The following PTPRD variants were observed in gnomAD, a reference collection of about 807,000 sequenced individuals.
The protein encoded by PTPRD is protein tyrosine phosphatase receptor type D, also known as receptor-type tyrosine-protein phosphatase delta.
A neutral mutation model predicts 214.5 loss-of-function variants in PTPRD; 34 were observed. That is an observed-to-expected ratio of 0.16 (90% CI 0.12 to 0.21). PTPRD has a LOEUF of 0.21. Ranked by LOEUF, PTPRD falls within the 10% of genes least tolerant of loss-of-function variation. The probability of loss-of-function intolerance (pLI) is 1.00; values close to 1 mark genes in which losing one functional copy is unlikely to be tolerated. For missense variants in PTPRD, 2,545 were observed against 2,398.7 expected (o/e 1.06, Z -1.27); for synonymous variants, 1,128 against 845.7 (o/e 1.33, Z -5.79).
At chr9:8,364,743 T>C (rs1048844344) in intron 39 of PTPRD, among the ~76,000 whole-genome samples, 4 of 152,230 alleles carry the variant, frequency 2.6e-5, no homozygotes, top group Non-Finnish European at 5.9e-5. Flanking sequence ...GCTCTACGAT[T>C]TTCTGCTGCG....
At chr9:8,787,041 G>A (rs540154149) in intron 11 of PTPRD, among the ~76,000 whole-genome samples, 1 of 152,148 alleles carries the variant, frequency 6.6e-6, no homozygotes, top group South Asian at 2.1e-4. Flanking sequence ...TCACGATGTT[G>A]CCTAGTCTGG....
At chr9:8,697,346 C>T (rs896246215) in intron 12 of PTPRD, among the ~76,000 whole-genome samples, 3 of 150,606 alleles carry the variant, frequency 2.0e-5, no homozygotes, top group Non-Finnish European at 4.4e-5. Context: ...GCATTCTTTT[C>T]CTGGTGGAAT....
intron 5 of PTPRD, among the ~76,000 whole-genome samples, chr9:9,891,330 G>T (rs1234661252): frequency 6.6e-6 from 1 of 150,440 alleles, no homozygotes; most frequent in Non-Finnish European, 1.5e-5. Context: ...ATACCAAAGA[G>T]ATATTAAGTT....
intron 3 of PTPRD, among the ~76,000 whole-genome samples, chr9:10,195,098 ATTTTTTT>A (rs34900305): frequency 1.2e-4 from 12 of 97,916 alleles, no homozygotes; most frequent in Middle Eastern, 7.8e-3. Flanking sequence ...ATACCCGGCT[ATTTTTTT>A]TTTTTTTTTT....
chr9:8,813,195 G>A (rs565779844), intron 11 of PTPRD, among the ~76,000 whole-genome samples: 61 of 152,120 alleles, frequency 4.0e-4, no homozygotes, highest in African/African-American at 1.4e-3. Flanking sequence ...TGACCTGGAG[G>A]GTAGAATAAT....
At chr9:9,190,963 A>G (rs1321674725) in intron 9 of PTPRD, among the ~76,000 whole-genome samples, 1 of 152,078 alleles carries the variant, frequency 6.6e-6, no homozygotes, top group Non-Finnish European at 1.5e-5. Context: ...ACTGTCACAT[A>G]TAGCTTCAAA....
intron 9 of PTPRD, among the ~76,000 whole-genome samples, chr9:9,231,601 T>A (rs1190376760): frequency 6.6e-6 from 1 of 152,156 alleles, no homozygotes; most frequent in Non-Finnish European, 1.5e-5. Flanking sequence ...CTATATATAA[T>A]TAGGTATATG....
intron 39 of PTPRD, 132 bp from the exon 40 acceptor site, chr9:8,342,110 C>G: frequency 1.1e-6 from 1 of 916,650 alleles, no homozygotes; most frequent in African/African-American, 1.7e-5. Context: ...ATTGGGATGA[C>G]TTTGTAATAC....
chr9:9,467,213 C>CTTT lies in PTPRD; in HGVS notation c.-236-69734_-236-69732dup, dbSNP rs35659936. On this transcript the variant is annotated intron_variant, in intron 8 of 45. Transcript: ENST00000381196. ...CATATAGAGATGATGGTTCATTTATCTTTTTTTTTTTTTTTTTTTTTTTTA... is the reference window on the plus strand; with the variant it reads ...CATATAGAGATGATGGTTCATTTATCTTTTTTTTTTTTTTTTTTTTTTTTTTTA... Among the ~76,000 whole-genome samples the CTTT allele has an allele frequency of 1.5e-3, 139 of 92,880 alleles. 3 individuals carry two copies. The highest frequency in any genetic ancestry group is 5.9e-3 in the African/African-American group (134 of 22,618). 60.9% of individuals were successfully genotyped at this position (92,880 alleles called of 152,430 possible).
At chr9:9,251,234 G>A (rs2099975361) in intron 9 of PTPRD, among the ~76,000 whole-genome samples, 2 of 152,040 alleles carry the variant, frequency 1.3e-5, no homozygotes, top group African/African-American at 4.8e-5. Context: ...GCCTTGCTGA[G>A]CATCATTGTG....
At chr9:9,514,970 G>A in intron 8 of PTPRD, among the ~76,000 whole-genome samples, 1 of 151,978 alleles carries the variant, frequency 6.6e-6, no homozygotes, top group East Asian at 1.9e-4. Context: ...TTTTAAAAAT[G>A]CCAAACCTTC....
chr9:9,099,470 C>T (rs1286608084), intron 10 of PTPRD, among the ~76,000 whole-genome samples: 7 of 152,012 alleles, frequency 4.6e-5, no homozygotes, highest in Non-Finnish European at 1.5e-5. Context: ...TTTTACAAGG[C>T]GATACTTTTT....
intron 7 of PTPRD, among the ~76,000 whole-genome samples, chr9:9,704,204 T>C (rs2097554242): frequency 6.6e-6 from 1 of 152,212 alleles, no homozygotes; most frequent in Non-Finnish European, 1.5e-5. Flanking sequence ...TCTACATACA[T>C]TTTAACGAAC....
At chr9:8,677,594 T>C (rs760518615) in intron 12 of PTPRD, among the ~76,000 whole-genome samples, 1 of 152,116 alleles carries the variant, frequency 6.6e-6, no homozygotes, top group African/African-American at 2.4e-5. Flanking sequence ...AAATAATAAG[T>C]ACACCAAACT....
At chr9:9,315,818 T>A (rs1962557991) in intron 9 of PTPRD, among the ~76,000 whole-genome samples, 1 of 149,342 alleles carries the variant, frequency 6.7e-6, no homozygotes, top group South Asian at 2.1e-4. Flanking sequence ...TTTTCTGTAT[T>A]ATAGTAGCAG....
At chr9:9,792,485 G>A (rs72710136) in intron 5 of PTPRD, among the ~76,000 whole-genome samples, 1 of 152,214 alleles carries the variant, frequency 6.6e-6, no homozygotes, top group Non-Finnish European at 1.5e-5. Context: ...TTGTATGTGT[G>A]AAAATTCCCA....
intron 2 of PTPRD, among the ~76,000 whole-genome samples, chr9:10,441,767 T>A (rs771410438): frequency 2.6e-5 from 4 of 151,530 alleles, no homozygotes; most frequent in African/African-American, 4.8e-5. Flanking sequence ...AATGAATGAG[T>A]GGTTTAAGTC....
intron 2 of PTPRD, among the ~76,000 whole-genome samples, chr9:10,537,744 TTC>T (rs1459658864): frequency 2.0e-5 from 3 of 152,260 alleles, no homozygotes; most frequent in Admixed American, 6.6e-5. Context: ...TGTCTTAAAA[TTC>T]TCTCTTATAA....
At chr9:10,482,130 G>A (rs1336927408) in intron 2 of PTPRD, among the ~76,000 whole-genome samples, 1 of 152,080 alleles carries the variant, frequency 6.6e-6, no homozygotes, top group Non-Finnish European at 1.5e-5. Flanking sequence ...CCAGCATTTT[G>A]GGAGGCCCAG....
Sources: allele counts gnomAD v4.1 joint callset (sites outside exome capture counted in the v4.1 genomes callset), GRCh38; gene constraint gnomAD v4.1.1; transcripts MANE v1.5; gene names NCBI Gene and HGNC (gene_info 2026-07-23, HGNC 2026-07-21).